The following PRIM2 variants were observed in gnomAD, a reference collection of about 807,000 sequenced individuals.
PRIM2 encodes the protein DNA primase large subunit.
In PRIM2, 39 loss-of-function variants were observed where a neutral mutation model predicts 67.3. The observed-to-expected ratio is 0.58, with a 90% confidence interval of 0.45 to 0.76. PRIM2 has a LOEUF of 0.76. Among genes scored for constraint, PRIM2 ranks in the 30% least tolerant of loss-of-function variants. The pLI is 0.00. For missense variants in PRIM2, 398 were observed against 598.7 expected (o/e 0.66, Z 3.50); for synonymous variants, 143 against 198.7 (o/e 0.72, Z 2.36).
chr6:57,299,970 T>C, the PRIM2 span, among the ~76,000 whole-genome samples: 3 of 152,182 alleles, frequency 2.0e-5, no homozygotes, highest in South Asian at 2.1e-4. Flanking sequence ...CACAGAAGGA[T>C]TGACGTTCTT....
At chr6:57,447,508 C>A (rs1772404992) in intron 7 of PRIM2, among the ~76,000 whole-genome samples, 1 of 152,134 alleles carries the variant, frequency 6.6e-6, no homozygotes, top group Non-Finnish European at 1.5e-5. Context: ...GGAAGGCAGG[C>A]ATTCCTGAGA....
At chr6:57,291,615 G>A in the PRIM2 span, among the ~76,000 whole-genome samples, 20 of 152,206 alleles carry the variant, frequency 1.3e-4, no homozygotes, top group African/African-American at 4.6e-4. Flanking sequence ...GTGGCAAACC[G>A]AATCCAGCAG....
At chr6:57,439,099 T>A (rs1772110082) in intron 7 of PRIM2, among the ~76,000 whole-genome samples, 1 of 152,174 alleles carries the variant, frequency 6.6e-6, no homozygotes, top group South Asian at 2.1e-4. Context: ...CAGTCATAAC[T>A]TGGATTTATT....
chr6:57,293,260 G>A, the PRIM2 span, among the ~76,000 whole-genome samples: 1 of 152,216 alleles, frequency 6.6e-6, no homozygotes, highest in Non-Finnish European at 1.5e-5. Flanking sequence ...GCTCATTAGA[G>A]AAATGCAAAT....
the PRIM2 span, among the ~76,000 whole-genome samples, chr6:57,254,820 C>T: frequency 3.3e-5 from 5 of 152,162 alleles, no homozygotes; most frequent in African/African-American, 1.2e-4. Flanking sequence ...GTAAATTTAC[C>T]GAGGCTCCAG....
At chr6:57,247,483 A>G in the PRIM2 span, among the ~76,000 whole-genome samples, 1 of 152,364 alleles carries the variant, frequency 6.6e-6, no homozygotes, top group African/African-American at 2.4e-5. Context: ...GTTATAGTTG[A>G]GGCTTATTCA....
intron 10 of PRIM2, among the ~76,000 whole-genome samples, chr6:57,539,410 T>G (rs1775086750): frequency 6.6e-6 from 1 of 152,176 alleles, no homozygotes; most frequent in Non-Finnish European, 1.5e-5. Flanking sequence ...ATATATCCTT[T>G]GAAAGTGATG....
At chr6:57,387,979 G>T (rs1770205275) in intron 7 of PRIM2, among the ~76,000 whole-genome samples, 1 of 151,720 alleles carries the variant, frequency 6.6e-6, no homozygotes, top group Non-Finnish European at 1.5e-5. Flanking sequence ...ATTCCAGGCA[G>T]GAAAAGTCAC....
intron 7 of PRIM2, among the ~76,000 whole-genome samples, chr6:57,486,436 G>A (rs1365638113): frequency 0.5 from 76,274 of 152,082 alleles, 19,967 homozygotes; most frequent in East Asian, 0.67. Context: ...TATTTTGGCA[G>A]GTTCCCTGCC....
intron 13 of PRIM2, among the ~76,000 whole-genome samples, chr6:57,636,721 A>G (rs1484052598): frequency 6.6e-6 from 1 of 152,232 alleles, no homozygotes; most frequent in Admixed American, 6.5e-5. Flanking sequence ...TTAATAAAAA[A>G]AGATTAATTA....
intron 7 of PRIM2, among the ~76,000 whole-genome samples, chr6:57,397,134 A>C (rs888346428): frequency 2.0e-5 from 3 of 152,152 alleles, no homozygotes; most frequent in Non-Finnish European, 4.4e-5. Flanking sequence ...TAACCTGATG[A>C]AAATGTGCCT....
chr6:57,545,104 T>C (rs1775258323), intron 10 of PRIM2, among the ~76,000 whole-genome samples: 2 of 152,146 alleles, frequency 1.3e-5, no homozygotes, highest in African/African-American at 4.8e-5. Context: ...ATCAGCATCA[T>C]TTGGGAATAT....
At chr6:57,542,939 A>ATTTCTTTTTTTTTT (rs1775194625) in intron 10 of PRIM2, among the ~76,000 whole-genome samples, 1 of 71,930 alleles carries the variant, frequency 1.4e-5, no homozygotes, top group African/African-American at 6.8e-5. Context: ...TGCTTATAGG[A>ATTTCTTTTTTTTTT]TTTTTTTTTT....
At chr6:57,308,412 T>G in the PRIM2 span, among the ~76,000 whole-genome samples, 1 of 152,204 alleles carries the variant, frequency 6.6e-6, no homozygotes, top group African/African-American at 2.4e-5. Context: ...TGTGAGCCAC[T>G]GTGCCTGGCC....
At chr6:57,251,315 G>A in the PRIM2 span, among the ~76,000 whole-genome samples, 1 of 152,178 alleles carries the variant, frequency 6.6e-6, no homozygotes, top group Non-Finnish European at 1.5e-5. Context: ...ATTAGTTGAG[G>A]TAGGTGAACC....
chr6:57,288,416 G>T, the PRIM2 span, among the ~76,000 whole-genome samples: 1 of 152,154 alleles, frequency 6.6e-6, no homozygotes, highest in Admixed American at 6.5e-5. Context: ...TAAACATTCC[G>T]GTCTGACAGC....
intron 7 of PRIM2, among the ~76,000 whole-genome samples, chr6:57,402,314 G>C (rs1481701509): frequency 6.6e-6 from 1 of 152,162 alleles, no homozygotes; most frequent in African/African-American, 2.4e-5. Flanking sequence ...TTGGTGGCTG[G>C]AGACCCCACA....
chr6:57,473,764 G>C (rs1214868858), intron 7 of PRIM2, among the ~76,000 whole-genome samples: 1 of 152,064 alleles, frequency 6.6e-6, no homozygotes, highest in Non-Finnish European at 1.5e-5. Context: ...ACCCTCTTAA[G>C]TTTTGTAACT....
chr6:57,391,367 A>C (rs1770339242), intron 7 of PRIM2, among the ~76,000 whole-genome samples: 1 of 150,272 alleles, frequency 6.7e-6, no homozygotes, highest in Admixed American at 6.6e-5. Flanking sequence ...TTTGCTGTGC[A>C]GAAGCTGTTA....
Sources: gnomAD v4.1 joint callset for allele counts (sites outside exome capture counted in the v4.1 genomes callset) on GRCh38, gnomAD v4.1.1 for gene constraint, MANE v1.5 for transcripts, NCBI Gene and HGNC (gene_info 2026-07-23, HGNC 2026-07-21) for gene names.